KLHDC4: variants seen among roughly 807,000 people sequenced by gnomAD.
KLHDC4 encodes the protein kelch domain-containing protein 4.
Under a neutral mutation model 62.4 loss-of-function variants are expected in KLHDC4, and 90 were observed. The observed-to-expected ratio is 1.44, with a 90% CI of 1.22 to 1.72. The LOEUF is 1.72. KLHDC4 is among the 40% of genes most tolerant of loss of function. The pLI is 0.00. For synonymous variants in KLHDC4, 386 were observed against 284.4 expected (o/e 1.36, Z -3.59); for missense variants, 1,025 against 699.7 (o/e 1.47, Z -5.25).
chr16:87,760,307 T>TA (rs542214108), intron 2 of KLHDC4, among the ~76,000 whole-genome samples: 20 of 142,870 alleles, frequency 1.4e-4, no homozygotes, highest in African/African-American at 3.1e-4. Context: ...CTGGACAACA[T>TA]AAAAAAAAGT....
At chr16:87,720,960 G>A (rs934199794) in intron 7 of KLHDC4, among the ~76,000 whole-genome samples, 2 of 152,160 alleles carry the variant, frequency 1.3e-5, no homozygotes, top group South Asian at 2.1e-4. Flanking sequence ...TGTCTGAACC[G>A]GGACAAGGCC....
At chr16:87,734,792 C>A (rs568785434) in intron 5 of KLHDC4, among the ~76,000 whole-genome samples, 33 of 152,298 alleles carry the variant, frequency 2.2e-4, no homozygotes, top group South Asian at 1.7e-3. Context: ...ACAGACTCCA[C>A]AGCAGCTCCA....
At chr16:87,700,613 AAC>A (rs2034093726) in exon 1 of KLHDC4, 1 of 187,564 alleles carries the variant, frequency 5.3e-6, no homozygotes, top group African/African-American at 2.8e-5. Flanking sequence ...GGAGGGAGGA[AAC>A]AGGGTGGAGG....
intron 8 of KLHDC4, among the ~76,000 whole-genome samples, chr16:87,713,102 G>T (rs962271685): frequency 6.6e-6 from 1 of 152,258 alleles, no homozygotes; most frequent in Non-Finnish European, 1.5e-5. Flanking sequence ...CACGATCTCA[G>T]CTGACGGCAG....
At chr16:87,712,141 T>A (rs1374839840) in intron 8 of KLHDC4, among the ~76,000 whole-genome samples, 1 of 150,142 alleles carries the variant, frequency 6.7e-6, no homozygotes, top group Non-Finnish European at 1.5e-5. Flanking sequence ...TGGCCAGCTC[T>A]ACTTCAGGAA....
chr16:87,719,621 C>T (rs2037841380), intron 7 of KLHDC4, among the ~76,000 whole-genome samples: 1 of 151,170 alleles, frequency 6.6e-6, no homozygotes, highest in African/African-American at 2.4e-5. Flanking sequence ...TCCTATGACC[C>T]AGCCAAATCC....
intron 4 of KLHDC4, among the ~76,000 whole-genome samples, chr16:87,754,909 G>A (rs1370637614): frequency 3.9e-5 from 6 of 152,158 alleles, no homozygotes; most frequent in South Asian, 2.1e-4. Flanking sequence ...GGCCTAGGGG[G>A]AGTGAGCATT....
At chr16:87,737,901 A>G (rs1460119181) in intron 5 of KLHDC4, among the ~76,000 whole-genome samples, 1 of 152,062 alleles carries the variant, frequency 6.6e-6, no homozygotes, top group Non-Finnish European at 1.5e-5. Context: ...CAGTCTCTCT[A>G]AGTACATGTG....
chr16:87,715,275 A>T (rs2036717997), intron 7 of KLHDC4, among the ~76,000 whole-genome samples: 1 of 152,186 alleles, frequency 6.6e-6, no homozygotes, highest in Admixed American at 6.5e-5. Flanking sequence ...TTTTTAATAC[A>T]CTATTTTAGA....
intron 5 of KLHDC4, among the ~76,000 whole-genome samples, chr16:87,746,116 T>A (rs924184212): frequency 1.2e-4 from 18 of 151,102 alleles, no homozygotes; most frequent in Admixed American, 9.9e-4. Flanking sequence ...GAAAAAAAAA[T>A]TTAATTAGCC....
chr16:87,753,682 T>G (rs1408943887), intron 4 of KLHDC4, among the ~76,000 whole-genome samples: 1 of 151,948 alleles, frequency 6.6e-6, no homozygotes, highest in East Asian at 1.9e-4. Context: ...ACGCCTATAA[T>G]CCCAGCTACT....
chr16:87,765,021 G>A (rs549148642), intron 1 of KLHDC4: 29 of 427,272 alleles, frequency 6.8e-5, no homozygotes, highest in South Asian at 4.2e-4. Context: ...TGGTTCACCT[G>A]TTGGTCTTCC....
chr16:87,726,195 C>T (rs960940715), intron 7 of KLHDC4, among the ~76,000 whole-genome samples: 6 of 150,416 alleles, frequency 4.0e-5, no homozygotes, highest in African/African-American at 1.2e-4. Flanking sequence ...CACCCGTCTC[C>T]CCACCCCGCG....
chr16:87,704,417 T>TGGGGAGGGGG (rs2034412814), downstream of KLHDC4, among the ~76,000 whole-genome samples: 1 of 86,272 alleles, frequency 1.2e-5, no homozygotes, highest in Non-Finnish European at 2.1e-5. Context: ...CTGGGGAGGG[T>TGGGGAGGGGG]CCTGAACGTC....
chr16:87,756,407 C>A lies in KLHDC4; in HGVS notation c.262G>T (p.Gly88Cys), dbSNP rs368139898. 2 of 1,610,894 alleles carry A rather than the reference C, an allele frequency of 1.2e-6. No individual in the cohort carries two copies. The highest frequency in any genetic ancestry group is 1.7e-6 in the Non-Finnish European group (2 of 1,177,220). Residue 88 changes from glycine to cysteine, a missense_variant, in exon 3 of 12, where the codon GGC (glycine) becomes TGC (cysteine). Gly to Cys is a radical substitution (Grantham distance 159). Transcript: ENST00000270583. ...AAAAATATATACTTTACTTTTTGGC[C>A]GTTGAAATATTCACCTCCAAAAAGG... The part of the protein sequence containing the change: ...LILFGGEYFN[G>C]QKTFLYNELY...
chr16:87,742,963 T>G (rs188265451), intron 5 of KLHDC4: 13 of 152,306 alleles, frequency 8.5e-5, no homozygotes, highest in African/African-American at 2.9e-4. Context: ...GGAGAACACT[T>G]GAGGAAAACT....
chr16:87,727,899 A>C (rs1017580646), intron 6 of KLHDC4, among the ~76,000 whole-genome samples: 2 of 152,144 alleles, frequency 1.3e-5, no homozygotes, highest in Non-Finnish European at 2.9e-5. Context: ...GTCTTAAGAT[A>C]AACAGCCTGG....
chr16:87,743,895 G>A (rs2042625768), intron 5 of KLHDC4, among the ~76,000 whole-genome samples: 1 of 152,174 alleles, frequency 6.6e-6, no homozygotes, highest in South Asian at 2.1e-4. Context: ...TGCTCCCGAT[G>A]GGGAGGAATG....
At chr16:87,720,934 G>C (rs980183253) in intron 7 of KLHDC4, among the ~76,000 whole-genome samples, 2 of 152,172 alleles carry the variant, frequency 1.3e-5, no homozygotes, top group African/African-American at 4.8e-5. Flanking sequence ...CTGGAACCGG[G>C]TCAAGTCCCT....
Sources: gnomAD v4.1 joint callset for allele counts (sites outside exome capture counted in the v4.1 genomes callset) on GRCh38, gnomAD v4.1.1 for gene constraint, MANE v1.5 for transcripts, NCBI Gene and HGNC (gene_info 2026-07-23, HGNC 2026-07-21) for gene names.